LMBR1: variants seen among roughly 807,000 people sequenced by gnomAD.
LMBR1 encodes limb development membrane protein 1.
Under a neutral mutation model 73.9 loss-of-function variants are expected in LMBR1, and 52 were observed. The ratio of observed to expected loss-of-function variants is 0.70; its 90% CI spans 0.56 to 0.89. The LOEUF (loss-of-function observed/expected upper bound fraction) is 0.89, where lower values mean the gene tolerates loss of function less well. Ranked by LOEUF, LMBR1 falls within the 40% of genes least tolerant of loss-of-function variation. The pLI is 0.00. For synonymous variants in LMBR1, 215 were observed against 209.4 expected, an observed-to-expected ratio of 1.03 and a Z score of -0.23; for missense variants, 539 against 579.8, an observed-to-expected ratio of 0.93 and a Z score of 0.72.
intron 15 of LMBR1, 94 bp from the exon 16 acceptor site, chr7:156,688,285 G>A (rs1200667413): frequency 4.8e-6 from 4 of 826,194 alleles, no homozygotes; most frequent in Non-Finnish European, 7.4e-6. Context: ...GAATTCTATG[G>A]ACTTTCTCAC....
At chr7:156,731,723 C>T (rs1161122582) in intron 10 of LMBR1, among the ~76,000 whole-genome samples, 2 of 152,060 alleles carry the variant, frequency 1.3e-5, no homozygotes, top group Non-Finnish European at 2.9e-5. Flanking sequence ...AAATCAGGAA[C>T]ATATGAATTA....
At chr7:156,688,998 A>G (rs1355512428) in intron 15 of LMBR1, among the ~76,000 whole-genome samples, 1 of 152,220 alleles carries the variant, frequency 6.6e-6, no homozygotes, top group Non-Finnish European at 1.5e-5. Context: ...AAAAAGACAA[A>G]GCAGGAAATA....
At chr7:156,731,165 GTT>G (rs1436517120) in intron 10 of LMBR1, among the ~76,000 whole-genome samples, 1 of 152,132 alleles carries the variant, frequency 6.6e-6, no homozygotes, top group Admixed American at 6.5e-5. Context: ...GAATTCAATA[GTT>G]TTAACAATAG....
intron 4 of LMBR1, among the ~76,000 whole-genome samples, chr7:156,802,551 G>A (rs927269605): frequency 6.6e-6 from 1 of 152,054 alleles, no homozygotes; most frequent in Non-Finnish European, 1.5e-5. Context: ...TCAATTGTCA[G>A]TACAAAATGA....
intron 15 of LMBR1, among the ~76,000 whole-genome samples, chr7:156,705,336 T>C (rs1025024097): frequency 6.6e-6 from 1 of 152,204 alleles, no homozygotes; most frequent in Admixed American, 6.5e-5. Context: ...GGTGGGTGGA[T>C]GGGTTGAGCC....
At chr7:156,861,210 C>T (rs745585105) in intron 1 of LMBR1, among the ~76,000 whole-genome samples, 1 of 152,214 alleles carries the variant, frequency 6.6e-6, no homozygotes, top group Non-Finnish European at 1.5e-5. Flanking sequence ...GGTGGAAATT[C>T]CTAAACCTCA....
At chr7:156,843,850 A>T (rs1054154129) in intron 1 of LMBR1, among the ~76,000 whole-genome samples, 13 of 150,882 alleles carry the variant, frequency 8.6e-5, no homozygotes, top group African/African-American at 3.2e-4. Flanking sequence ...AAAAAAAAAA[A>T]AGAAAGAAAA....
intron 15 of LMBR1, among the ~76,000 whole-genome samples, chr7:156,716,199 C>T (rs1477093101): frequency 2.0e-5 from 3 of 152,122 alleles, no homozygotes; most frequent in Admixed American, 6.5e-5. Context: ...GACACCTTCA[C>T]GTGTGATGCA....
chr7:156,760,051 AC>A (rs1297153335), intron 8 of LMBR1, among the ~76,000 whole-genome samples: 1 of 152,192 alleles, frequency 6.6e-6, no homozygotes, highest in Non-Finnish European at 1.5e-5. Flanking sequence ...AAAGAAGGTG[AC>A]CAGGGGTGAG....
rs1252976028 is a variant in LMBR1 at position 156,742,517 on chromosome 7, A to C, written c.758-8260T>G. Among the ~76,000 whole-genome samples the C allele has an allele frequency of 3.3e-5, 5 of 152,156 alleles. No individual in the cohort carries two copies. The East Asian group carries it at 9.6e-4, about 29-fold the overall frequency. On this transcript the variant is annotated intron_variant, in intron 9 of 16. Transcript: ENST00000353442. Reference sequence around the variant, plus strand: ...AATACACTGGAAAATCTAGAAAAAAATGGACAAATTTCTAGACACATACAA... The same window carrying C: ...AATACACTGGAAAATCTAGAAAAAACTGGACAAATTTCTAGACACATACAA...
chr7:156,712,368 T>A (rs1307759415), intron 15 of LMBR1, among the ~76,000 whole-genome samples: 2 of 152,050 alleles, frequency 1.3e-5, no homozygotes, highest in Non-Finnish European at 2.9e-5. Context: ...ACAACAAATG[T>A]TGGAGAGGAT....
rs1048937358 is a variant in LMBR1, at chr7:156,677,991, C to T, written c.*6087G>A. On this transcript the variant is annotated 3_prime_UTR_variant, in exon 17 of 17. Transcript: ENST00000353442. The stretch of plus-strand genomic sequence containing the variant: ...GTCAAAGGCCAGAGCAGTCCGATTC[C>T]GCCGCCCTAAACTTTGGATCTAGAA... The T allele has an allele frequency of 2.0e-5, 3 of 152,262 alleles. No homozygotes were observed. The highest frequency in any genetic ancestry group is 2.9e-5 in the Non-Finnish European group (2 of 68,094). 9.4% of individuals were successfully genotyped at this position (152,262 alleles called of 1,614,324 possible).
chr7:156,878,635 C>T (rs1800582438), intron 1 of LMBR1, among the ~76,000 whole-genome samples: 1 of 152,154 alleles, frequency 6.6e-6, no homozygotes. Context: ...CTGCCAAAAG[C>T]AATCTACAAA....
intron 1 of LMBR1, among the ~76,000 whole-genome samples, chr7:156,871,639 A>G (rs1287026295): frequency 6.6e-6 from 1 of 152,238 alleles, no homozygotes. Context: ...ATGGTTCAAT[A>G]TATGAAAATC....
intron 3 of LMBR1, among the ~76,000 whole-genome samples, chr7:156,830,562 A>G (rs1462353146): frequency 6.6e-6 from 1 of 152,228 alleles, no homozygotes; most frequent in South Asian, 2.1e-4. Flanking sequence ...AATATCATCA[A>G]AAGGTCTGAT....
At chr7:156,847,456 T>C (rs1254324851) in intron 1 of LMBR1, among the ~76,000 whole-genome samples, 1 of 152,082 alleles carries the variant, frequency 6.6e-6, no homozygotes, top group Non-Finnish European at 1.5e-5. Flanking sequence ...TTACTAAAAC[T>C]TAAAACTTGT....
At chr7:156,671,138 T>C (rs1363599687) in intron 4 of LMBR1, among the ~76,000 whole-genome samples, 2 of 152,126 alleles carry the variant, frequency 1.3e-5, no homozygotes, top group East Asian at 1.9e-4. Flanking sequence ...TTCAAAACAG[T>C]AAAGAGAATG....
intron 15 of LMBR1, among the ~76,000 whole-genome samples, chr7:156,717,348 CAGG>C (rs1380019467): frequency 1.3e-5 from 2 of 152,166 alleles, no homozygotes; most frequent in South Asian, 2.1e-4. Context: ...TGTGAGGTGG[CAGG>C]AGGACACCCG....
intron 15 of LMBR1, among the ~76,000 whole-genome samples, chr7:156,699,601 C>T (rs1809157521): frequency 6.6e-6 from 1 of 151,882 alleles, no homozygotes; most frequent in Admixed American, 6.6e-5. Flanking sequence ...AAGAAACCAC[C>T]ATCAGAGTGA....
Sources: allele counts gnomAD v4.1 joint callset (sites outside exome capture counted in the v4.1 genomes callset), GRCh38; gene constraint gnomAD v4.1.1; transcripts MANE v1.5; gene names NCBI Gene and HGNC (gene_info 2026-07-23, HGNC 2026-07-21).